The following SYNE2 variants were observed in gnomAD, a reference collection of about 807,000 sequenced individuals.
SYNE2 encodes spectrin repeat containing nuclear envelope protein 2, also known as nesprin-2.
A neutral mutation model predicts 856.3 loss-of-function variants in SYNE2; 431 were observed. The observed-to-expected ratio is 0.50, with a 90% CI of 0.47 to 0.55. The LOEUF (loss-of-function observed/expected upper bound fraction) is 0.55, where lower values mean the gene tolerates loss of function less well. SYNE2 is among the 20% of genes least tolerant of loss of function. The probability of loss-of-function intolerance (pLI) is 0.00; values close to 1 mark genes in which losing one functional copy is unlikely to be tolerated. For missense variants in SYNE2, 8,129 were observed against 8,023.2 expected (o/e 1.01, Z -0.50); for synonymous variants, 2,923 against 2,872.3 (o/e 1.02, Z -0.56).
intron 61 of SYNE2, 58 bp downstream of exon 61, chr14:64,093,538 ATACT>A: frequency 6.2e-7 from 1 of 1,602,186 alleles, no homozygotes; most frequent in Non-Finnish European, 8.6e-7. Flanking sequence ...CATTTATTTA[ATACT>A]TACTAAGCCT....
At chr14:64,180,306 C>T (rs753115125) in intron 96 of SYNE2, among the ~76,000 whole-genome samples, 4 of 152,146 alleles carry the variant, frequency 2.6e-5, no homozygotes, top group Non-Finnish European at 5.9e-5. Context: ...CTTTGGATGT[C>T]CCTGGGTCTT....
chr14:64,200,557 A>G (rs2098557591), intron 99 of SYNE2, among the ~76,000 whole-genome samples: 1 of 152,252 alleles, frequency 6.6e-6, no homozygotes, highest in Non-Finnish European at 1.5e-5. Flanking sequence ...CTGAAGCCAT[A>G]GGAATGAAGG....
chr14:64,077,173 A>G (rs76753851), intron 54 of SYNE2, among the ~76,000 whole-genome samples: 4,513 of 152,278 alleles, frequency 0.03, 101 homozygotes, highest in Admixed American at 0.065. Context: ...TGATACAGCT[A>G]AAGGAAGTTC....
At chr14:64,111,541 G>A (rs940416747) in intron 65 of SYNE2, among the ~76,000 whole-genome samples, 1 of 152,172 alleles carries the variant, frequency 6.6e-6, no homozygotes, top group Admixed American at 6.5e-5. Flanking sequence ...GCTTATGCCT[G>A]TAATCCCAGC....
intron 31 of SYNE2, 22 bp from the exon 32 acceptor site, chr14:64,009,943 AT>A: frequency 6.2e-7 from 1 of 1,605,780 alleles, no homozygotes; most frequent in South Asian, 1.1e-5. Context: ...ACATTTAGCT[AT>A]TGTATATTTT....
rs1357383471 is a variant in SYNE2, at chr14:64,132,133, A to G, written c.14341-132A>G. The G allele has an allele frequency of 5.2e-5, 55 of 1,067,932 alleles. No homozygotes were observed. In the East Asian group the frequency reaches 1.3e-3, roughly 25 times the overall value. The allele number at this position is 1,067,932 out of a possible 1,614,324, so 66.2% of individuals were successfully genotyped here. A position where few individuals can be genotyped will look rare whatever the true frequency, so the allele number is the denominator to read the frequency against. On this transcript the variant is annotated intron_variant, in intron 76 of 115. Transcript: ENST00000555002. ...ATTGCCATCTTGGCCAGGCTGGTCA[A>G]TTTGACTCTACACGGATGTCCTGGG...
At chr14:63,853,295 G>T (rs978783990) in intron 1 of SYNE2, among the ~76,000 whole-genome samples, 152 bp downstream of exon 1, 1 of 151,812 alleles carries the variant, frequency 6.6e-6, no homozygotes, top group Non-Finnish European at 1.5e-5. Flanking sequence ...CGGGGTCCGA[G>T]CCGGGCCACA....
At chr14:64,160,016 A>T (rs1026981915) in intron 87 of SYNE2, among the ~76,000 whole-genome samples, 8 of 152,192 alleles carry the variant, frequency 5.3e-5, no homozygotes, top group African/African-American at 1.7e-4. Context: ...AGAGATAGGG[A>T]TGAAGAGTTA....
chr14:63,897,996 C>G (rs2095280707), intron 1 of SYNE2, among the ~76,000 whole-genome samples: 4 of 152,146 alleles, frequency 2.6e-5, no homozygotes, highest in Non-Finnish European at 5.9e-5. Context: ...TCTGAGATCC[C>G]AAATTGGAAC....
intron 66 of SYNE2, among the ~76,000 whole-genome samples, chr14:64,118,787 G>A (rs2097873951): frequency 6.7e-6 from 1 of 149,416 alleles, no homozygotes; most frequent in African/African-American, 2.5e-5. Context: ...CTTGAACCTG[G>A]GAGGTGGAGG....
In SYNE2 at chr14:64,025,167, T is replaced by G; in HGVS notation, c.5998T>G (p.Leu2000Val). The G allele has an allele frequency of 6.2e-7, 1 of 1,614,078 alleles. No homozygotes were observed. The highest frequency in any genetic ancestry group is 8.5e-7 in the Non-Finnish European group (1 of 1,179,994). Residue 2000 changes from leucine (L) to valine (V), a missense_variant, in exon 41 of 116, where the codon TTG becomes GTG. This residue lies in a region of SYNE2 where 2,422 missense variants were observed against 2,357.4 expected (regional missense o/e 1.03). Transcript: ENST00000555002. ...ATCTGTGGCCCAATTGAACAACTCT[T>G]TGAAGGAATATGGGTTTACTGAAGA... ...FESVAQLNNSLKEYGFTEEEE... is the reference protein window; with the variant it reads ...FESVAQLNNSVKEYGFTEEEE...
Position 63,954,746 on chromosome 14 carries a change from T to G in SYNE2, c.618T>G (p.Phe206Leu). The G allele has an allele frequency of 6.2e-7, 1 of 1,614,114 alleles. No homozygotes were observed. Among genetic ancestry groups the G allele is most frequent in the East Asian group, 2.2e-5 (1 of 44,872 alleles). Reference protein sequence around the residue: ...ATYESVNVTDFKSSWRNGMAF... With the variant: ...ATYESVNVTDLKSSWRNGMAF... ...ATGAGTCTGTCAATGTGACCGATTTTAAGTCAAGTTGGAGAAATGGGATGG... is the reference window on the plus strand; with the variant it reads ...ATGAGTCTGTCAATGTGACCGATTTGAAGTCAAGTTGGAGAAATGGGATGG... Residue 206 changes from phenylalanine to leucine, a missense_variant, in exon 8 of 116, where the codon TTT becomes TTG. This residue lies in a region of SYNE2 where 2,422 missense variants were observed against 2,357.4 expected (regional missense o/e 1.03). Transcript: ENST00000555002.
At chr14:64,005,637 G>A (rs1160527488) in intron 30 of SYNE2, among the ~76,000 whole-genome samples, 2 of 152,172 alleles carry the variant, frequency 1.3e-5, no homozygotes, top group African/African-American at 4.8e-5. Flanking sequence ...GATTAGGTGT[G>A]CTCAGTTTTA....
chr14:64,218,354 C>T (rs746716168), intron 108 of SYNE2, 44 bp from the exon 109 acceptor site: 2 of 1,523,644 alleles, frequency 1.3e-6, no homozygotes, highest in East Asian at 2.3e-5. Context: ...CTTCAGATAT[C>T]CTTCATATCT....
At chr14:64,187,732 C>T (rs1186217355) in intron 97 of SYNE2, among the ~76,000 whole-genome samples, 1 of 152,140 alleles carries the variant, frequency 6.6e-6, no homozygotes, top group African/African-American at 2.4e-5. Context: ...GGTGTCAAAA[C>T]TTTACCAAAA....
At chr14:64,225,081 C>T in intron 115 of SYNE2, 36 bp downstream of exon 115, 1 of 1,609,340 alleles carries the variant, frequency 6.2e-7, no homozygotes, top group Non-Finnish European at 8.5e-7. Context: ...GTGCGTTCCC[C>T]TGCTCCACAC....
intron 1 of SYNE2, among the ~76,000 whole-genome samples, chr14:63,796,534 A>G (rs960177260): frequency 6.6e-6 from 1 of 152,220 alleles, no homozygotes; most frequent in African/African-American, 2.4e-5. Flanking sequence ...TGAAGTTGAA[A>G]ATGTATAACG....
At chr14:64,179,670 A>G (rs1410766545) in intron 96 of SYNE2, among the ~76,000 whole-genome samples, 2 of 151,312 alleles carry the variant, frequency 1.3e-5, no homozygotes, top group African/African-American at 4.9e-5. Context: ...TTTTTTTCAT[A>G]TTTGCCCTTT....
At chr14:63,955,983 T>C (rs772484670) in intron 8 of SYNE2, among the ~76,000 whole-genome samples, 1 of 152,256 alleles carries the variant, frequency 6.6e-6, no homozygotes, top group Non-Finnish European at 1.5e-5. Context: ...AATGACTTCT[T>C]TGCTGAATTG....
Sources: gnomAD v4.1 joint callset for allele counts (sites outside exome capture counted in the v4.1 genomes callset) on GRCh38, gnomAD v4.1.1 for gene constraint, gnomAD v4.1.1 regional missense constraint, MANE v1.5 for transcripts, NCBI Gene and HGNC (gene_info 2026-07-23, HGNC 2026-07-21) for gene names.